The following ABHD18 variants were observed in gnomAD, a reference collection of about 807,000 sequenced individuals.
ABHD18 encodes cardiolipin-specific deacylase, mitochondrial.
ABHD18 carries 55 observed loss-of-function variants against 65.9 expected under a neutral mutation model. That is an observed-to-expected ratio of 0.84 (90% CI 0.67 to 1.05). The LOEUF (loss-of-function observed/expected upper bound fraction) is 1.05, where lower values mean the gene tolerates loss of function less well. Among genes scored for constraint, ABHD18 ranks in the 50% least tolerant of loss-of-function variants. The pLI is 0.00. For missense variants in ABHD18, 533 were observed against 558.5 expected (o/e 0.95, Z 0.46); for synonymous variants, 181 against 180.2 (o/e 1.00, Z -0.04).
intron 1 of ABHD18, among the ~76,000 whole-genome samples, chr4:127,966,267 A>T (rs527407503): frequency 1.2e-4 from 19 of 152,280 alleles, no homozygotes; most frequent in African/African-American, 4.3e-4. Flanking sequence ...CGCCAGATAC[A>T]TTGTCATGTA....
At chr4:127,969,361 C>T (rs1746291278) in intron 1 of ABHD18, among the ~76,000 whole-genome samples, 1 of 151,840 alleles carries the variant, frequency 6.6e-6, no homozygotes, top group Non-Finnish European at 1.5e-5. Flanking sequence ...ACCATCACAC[C>T]TGGCTAATTT....
At chr4:128,007,385 G>A (rs1753777642) in intron 4 of ABHD18, among the ~76,000 whole-genome samples, 1 of 140,086 alleles carries the variant, frequency 7.1e-6, no homozygotes. Context: ...AAAACAAAGA[G>A]AAGTCATATA....
At chr4:128,003,092 G>C (rs1752959334) in intron 4 of ABHD18, among the ~76,000 whole-genome samples, 1 of 152,022 alleles carries the variant, frequency 6.6e-6, no homozygotes, top group East Asian at 1.9e-4. Flanking sequence ...AAATAAGCCG[G>C]GCACGGTGGC....
intron 11 of ABHD18, among the ~76,000 whole-genome samples, chr4:128,029,189 CAA>C (rs879330225): frequency 7.1e-6 from 1 of 141,638 alleles, no homozygotes. Context: ...CTGTCTCTAC[CAA>C]AAAAAAAAAT....
At chr4:127,992,590 G>A (rs930147998) in intron 4 of ABHD18, among the ~76,000 whole-genome samples, 23 of 152,106 alleles carry the variant, frequency 1.5e-4, no homozygotes, top group African/African-American at 4.1e-4. Context: ...TCAGGCTAGG[G>A]TGCAGTGGTG....
intron 12 of ABHD18, among the ~76,000 whole-genome samples, chr4:128,034,273 T>C (rs941424921): frequency 6.6e-6 from 1 of 152,146 alleles, no homozygotes; most frequent in Admixed American, 6.5e-5. Flanking sequence ...TGCATTTTCT[T>C]AAAAGCCTGG....
At chr4:128,023,917 G>T (rs984327463) in intron 10 of ABHD18, among the ~76,000 whole-genome samples, 2 of 152,058 alleles carry the variant, frequency 1.3e-5, no homozygotes, top group Non-Finnish European at 2.9e-5. Flanking sequence ...CTGCTAGTTA[G>T]TTCCTATACA....
In ABHD18 at chr4:128,020,144, C is replaced by T; in HGVS notation, c.674C>T (p.Ser225Phe). Residue 225 changes from serine (S) to phenylalanine (F), a missense_variant, in exon 9 of 13, where the codon TCC (serine) becomes TTC (phenylalanine). Ser to Phe is a radical substitution (Grantham distance 155, BLOSUM62 -2). Around this residue, in one of 3 missense-constraint regions of ABHD18, gnomAD observed 309 missense variants for 313.5 expected, o/e 0.99. Coordinates refer to ENST00000645843, the MANE Select transcript of ABHD18 (RefSeq NM_001358451.3). Reference protein sequence around the residue: ...PMPLIPCLSWSTASGVFTTGV... With the variant: ...PMPLIPCLSWFTASGVFTTGV... ...CCATTGATTCCATGCCTGTCTTGGTCCACAGCATCTGGGGTCTTCACTACG... is the reference window on the plus strand; with the variant it reads ...CCATTGATTCCATGCCTGTCTTGGTTCACAGCATCTGGGGTCTTCACTACG... The T allele has an allele frequency of 6.2e-7, 1 of 1,613,206 alleles. No individual in the cohort carries two copies. Among genetic ancestry groups the T allele is most frequent in the South Asian group, 1.1e-5 (1 of 90,966 alleles).
intron 8 of ABHD18, among the ~76,000 whole-genome samples, chr4:128,019,853 G>A (rs1756173190): frequency 6.6e-6 from 1 of 152,164 alleles, no homozygotes; most frequent in Non-Finnish European, 1.5e-5. Context: ...GAATGGTCTT[G>A]AGGTTAAAGT....
intron 3 of ABHD18, among the ~76,000 whole-genome samples, chr4:127,988,913 C>G (rs539099378): frequency 1.2e-4 from 19 of 152,224 alleles, no homozygotes; most frequent in Middle Eastern, 6.8e-3. Context: ...ACCCAGCAAT[C>G]CCCCCACTGG....
At chr4:128,033,718 A>G (rs1758533718) in intron 12 of ABHD18, among the ~76,000 whole-genome samples, 1 of 150,340 alleles carries the variant, frequency 6.7e-6, no homozygotes, top group South Asian at 2.1e-4. Context: ...TTCTATTTTT[A>G]GTAGAGACGG....
intron 4 of ABHD18, among the ~76,000 whole-genome samples, chr4:128,004,146 G>GT (rs1313404690): frequency 6.6e-6 from 1 of 151,454 alleles, no homozygotes; most frequent in East Asian, 1.9e-4. Context: ...GCCTCTTTTT[G>GT]TTTTTTTAGA....
chr4:127,989,683 G>C, intron 3 of ABHD18, 38 bp from the exon 4 acceptor site: 1 of 1,378,120 alleles, frequency 7.3e-7, no homozygotes, highest in South Asian at 1.4e-5. Context: ...AGATATCTTA[G>C]TTTTCTTGCA....
chr4:127,970,128 C>T (rs1029684108), intron 1 of ABHD18, among the ~76,000 whole-genome samples: 1 of 151,996 alleles, frequency 6.6e-6, no homozygotes, highest in African/African-American at 2.4e-5. Flanking sequence ...AGCAATCCTC[C>T]CTCCTCAGCG....
At position 128,039,885 on chromosome 4, in the gene ABHD18, T is replaced by C. The variant is rs1759198422; in HGVS notation, c.*4072T>C. 1 of 152,160 alleles carries C rather than the reference T, an allele frequency of 6.6e-6. No homozygotes were observed. Among genetic ancestry groups the C allele is most frequent in the South Asian group, 2.1e-4 (1 of 4,832 alleles). 9.4% of individuals were successfully genotyped at this position (152,160 alleles called of 1,614,324 possible). On this transcript the variant is annotated 3_prime_UTR_variant, in exon 13 of 13. Coordinates refer to ENST00000645843, the MANE Select transcript of ABHD18 (RefSeq NM_001358451.3). Reference sequence around the variant, plus strand: ...GCTCTAGCAGAACAGTATCAGTATCTCTATAAAAATAACCAAAATTTTCCC... The same window carrying C: ...GCTCTAGCAGAACAGTATCAGTATCCCTATAAAAATAACCAAAATTTTCCC...
At chr4:127,971,778 G>T (rs765613209) in intron 1 of ABHD18, among the ~76,000 whole-genome samples, 6 of 151,964 alleles carry the variant, frequency 3.9e-5, no homozygotes, top group Admixed American at 3.9e-4. Flanking sequence ...GTGAGCCACC[G>T]CACCTGGCCT....
chr4:127,999,113 A>G (rs1269245616), intron 4 of ABHD18, among the ~76,000 whole-genome samples: 1 of 151,910 alleles, frequency 6.6e-6, no homozygotes, highest in Non-Finnish European at 1.5e-5. Context: ...GTGAAACCAC[A>G]TTTCTACTAA....
At chr4:127,980,046 A>T (rs1338776949) in intron 1 of ABHD18, among the ~76,000 whole-genome samples, 4 of 152,092 alleles carry the variant, frequency 2.6e-5, no homozygotes, top group African/African-American at 9.7e-5. Flanking sequence ...GTAATTTTTT[A>T]AAAAGTATGT....
chr4:127,994,005 T>C (rs1751342240), intron 4 of ABHD18, among the ~76,000 whole-genome samples: 1 of 152,246 alleles, frequency 6.6e-6, no homozygotes, highest in East Asian at 1.9e-4. Flanking sequence ...AACCTATTTG[T>C]CCTATTGTCA....
Sources: allele counts gnomAD v4.1 joint callset (sites outside exome capture counted in the v4.1 genomes callset), GRCh38; gene constraint gnomAD v4.1.1; regional missense constraint gnomAD v4.1.1; transcripts MANE v1.5; gene names NCBI Gene and HGNC (gene_info 2026-07-23, HGNC 2026-07-21).